The following MSRB3 variants were observed in gnomAD, a reference collection of about 807,000 sequenced individuals.
The protein encoded by MSRB3 is methionine sulfoxide reductase B3, also known as methionine-R-sulfoxide reductase B3.
A neutral mutation model predicts 21.0 loss-of-function variants in MSRB3; 13 were observed. That is an observed-to-expected ratio of 0.62 (90% confidence interval 0.40 to 0.98). The LOEUF (loss-of-function observed/expected upper bound fraction) is 0.98, where lower values mean the gene tolerates loss of function less well. MSRB3 is among the 50% of genes least tolerant of loss of function. The pLI is 0.00. For synonymous variants in MSRB3, 87 were observed against 88.6 expected (o/e 0.98, Z 0.10); for missense variants, 199 against 230.3 (o/e 0.86, Z 0.88).
At chr12:65,308,459 G>A (rs1324163265) in intron 1 of MSRB3, 70 bp from the exon 2 acceptor site, 2 of 1,558,668 alleles carry the variant, frequency 1.3e-6, no homozygotes, top group Non-Finnish European at 1.7e-6. Flanking sequence ...ACCATCAGTT[G>A]TGCAATGAAT....
intron 6 of MSRB3, among the ~76,000 whole-genome samples, chr12:65,457,508 A>G (rs926497441): frequency 1.3e-5 from 2 of 152,080 alleles, no homozygotes; most frequent in African/African-American, 2.4e-5. Flanking sequence ...GCTGAGAATG[A>G]TGGTTTCCAG....
chr12:65,396,312 C>T (rs1431144217), intron 5 of MSRB3, among the ~76,000 whole-genome samples: 1 of 152,204 alleles, frequency 6.6e-6, no homozygotes, highest in East Asian at 1.9e-4. Context: ...GATATTCTAG[C>T]TATCTTTCCG....
chr12:65,321,931 T>C (rs957819111), intron 2 of MSRB3, among the ~76,000 whole-genome samples: 1 of 152,194 alleles, frequency 6.6e-6, no homozygotes, highest in South Asian at 2.1e-4. Flanking sequence ...TCTTATCTCT[T>C]ATTCATTTAT....
chr12:65,347,934 C>G (rs1443656788), intron 4 of MSRB3, among the ~76,000 whole-genome samples: 1 of 152,178 alleles, frequency 6.6e-6, no homozygotes, highest in African/African-American at 2.4e-5. Flanking sequence ...AGGGATGAAG[C>G]CCACTTGATC....
At chr12:65,324,175 A>G (rs1331186807) in intron 2 of MSRB3, among the ~76,000 whole-genome samples, 2 of 152,200 alleles carry the variant, frequency 1.3e-5, no homozygotes, top group African/African-American at 4.8e-5. Context: ...AATTTTGCTA[A>G]TTTGGAAGAT....
chr12:65,417,641 A>G (rs1383514362), intron 5 of MSRB3, among the ~76,000 whole-genome samples: 2 of 152,036 alleles, frequency 1.3e-5, no homozygotes, highest in African/African-American at 4.8e-5. Context: ...CATCTCCCCA[A>G]ACTCCTTCCT....
At chr12:65,448,120 G>T (rs528121046) in intron 5 of MSRB3, among the ~76,000 whole-genome samples, 3 of 152,316 alleles carry the variant, frequency 2.0e-5, no homozygotes, top group African/African-American at 7.2e-5. Context: ...CTTAATTATG[G>T]TTGGTCACTG....
chr12:65,386,323 GAC>G (rs1879194626), intron 5 of MSRB3, among the ~76,000 whole-genome samples: 1 of 151,904 alleles, frequency 6.6e-6, no homozygotes. Context: ...AGAGGCAGAA[GAC>G]ACACCATTAC....
intron 1 of MSRB3, among the ~76,000 whole-genome samples, chr12:65,301,953 T>TTA (rs979207049): frequency 8.5e-5 from 13 of 152,112 alleles, no homozygotes; most frequent in Non-Finnish European, 5.9e-5. Flanking sequence ...ACTCTTTCCA[T>TTA]TATACATATA....
At chr12:65,417,486 T>A (rs1216934383) in intron 5 of MSRB3, among the ~76,000 whole-genome samples, 1 of 152,210 alleles carries the variant, frequency 6.6e-6, no homozygotes, top group Non-Finnish European at 1.5e-5. Context: ...CCTCACATAT[T>A]TATTATTTTG....
chr12:65,331,735 C>T (rs1875434633), intron 4 of MSRB3, among the ~76,000 whole-genome samples: 2 of 152,162 alleles, frequency 1.3e-5, no homozygotes, highest in Non-Finnish European at 2.9e-5. Flanking sequence ...GAGTATGCTA[C>T]CTAAGCTGGG....
intron 5 of MSRB3, among the ~76,000 whole-genome samples, chr12:65,371,297 C>CAG (rs1274181189): frequency 7.3e-6 from 1 of 136,434 alleles, no homozygotes; most frequent in Non-Finnish European, 1.5e-5. Context: ...CACTGCACTC[C>CAG]AGCCTGGGCG....
Position 65,348,274 on chromosome 12 carries a change from G to A in MSRB3, c.263+19671G>A, listed in dbSNP as rs141730374. 3.2e-3 allele frequency among the ~76,000 whole-genome samples: 483 copies of A among 152,258 alleles called. 1 individual carries two copies. The highest frequency in any genetic ancestry group is 0.011 in the African/African-American group (455 of 41,544). On this transcript the variant is annotated intron_variant, in intron 4 of 6. Coordinates refer to ENST00000308259, the MANE Select transcript of MSRB3 (RefSeq NM_001031679.3). ...GCCTCAATTTCAGAGCATGTTATTG[G>A]TCTATTTGGAGATTCAACTTCTTCC...
intron 5 of MSRB3, among the ~76,000 whole-genome samples, chr12:65,401,211 G>A (rs1178814973): frequency 1.3e-5 from 2 of 152,164 alleles, no homozygotes; most frequent in African/African-American, 4.8e-5. Context: ...GCAGTGGGGT[G>A]TTAATGTCTC....
At chr12:65,415,457 G>A (rs1880920302) in intron 5 of MSRB3, among the ~76,000 whole-genome samples, 2 of 152,118 alleles carry the variant, frequency 1.3e-5, no homozygotes, top group Admixed American at 6.5e-5. Context: ...CCTACAGGAA[G>A]GACAGATTCA....
At chr12:65,410,982 A>G (rs1274220902) in intron 5 of MSRB3, among the ~76,000 whole-genome samples, 1 of 150,306 alleles carries the variant, frequency 6.7e-6, no homozygotes, top group African/African-American at 2.4e-5. Flanking sequence ...CCACCCTTTT[A>G]TGGGGTAGCG....
intron 4 of MSRB3, among the ~76,000 whole-genome samples, chr12:65,355,266 G>A (rs1296222886): frequency 6.6e-6 from 1 of 151,814 alleles, no homozygotes; most frequent in African/African-American, 2.4e-5. Context: ...TTAGTGTCAA[G>A]TATGCTTGCC....
Position 65,465,442 on chromosome 12 carries a change from G to T in MSRB3, c.*2120G>T, listed in dbSNP as rs975853672. On this transcript the variant is annotated 3_prime_UTR_variant, in exon 7 of 7. Transcript: ENST00000308259. Reference sequence around the variant, plus strand: ...CTTGTAAGCACTAAGAGAAAAAAAAGAAAGAGGGACATTTGACAATTTTAA... The same window carrying T: ...CTTGTAAGCACTAAGAGAAAAAAAATAAAGAGGGACATTTGACAATTTTAA... 3.3e-5 allele frequency: 5 copies of T among 152,144 alleles called. No homozygotes were observed. Among genetic ancestry groups the T allele is most frequent in the African/African-American group, 1.2e-4 (5 of 41,432 alleles). The allele number at this position is 152,144 out of a possible 1,614,324, so 9.4% of individuals were successfully genotyped here.
intron 4 of MSRB3, among the ~76,000 whole-genome samples, chr12:65,348,948 T>A (rs1323452681): frequency 6.6e-6 from 1 of 152,132 alleles, no homozygotes. Context: ...AGGGTACATG[T>A]GCACAATGTG....
Sources: gnomAD v4.1 joint callset for allele counts (sites outside exome capture counted in the v4.1 genomes callset) on GRCh38, gnomAD v4.1.1 for gene constraint, MANE v1.5 for transcripts, NCBI Gene and HGNC (gene_info 2026-07-23, HGNC 2026-07-21) for gene names.